Variants in HERC4 observed in about 807,000 individuals in gnomAD.
HERC4 encodes the protein probable E3 ubiquitin-protein ligase HERC4.
HERC4 carries 28 observed loss-of-function variants against 124.3 expected under a neutral mutation model. The observed-to-expected ratio is 0.23, with a 90% confidence interval of 0.17 to 0.31. HERC4 has a LOEUF of 0.31. Ranked by LOEUF, HERC4 falls within the 10% of genes least tolerant of loss-of-function variation. HERC4 has a pLI of 1.00. For missense variants in HERC4, 713 were observed against 1,229.3 expected, an observed-to-expected ratio of 0.58 and a Z score of 6.28; for synonymous variants, 407 against 421.5, an observed-to-expected ratio of 0.97 and a Z score of 0.42.
rs180913491 is a variant in HERC4 at position 68,023,404 on chromosome 10, A to G, written c.908+2142T>C. On this transcript the variant is annotated intron_variant, in intron 8 of 24. Transcript: ENST00000373700. The stretch of plus-strand genomic sequence containing the variant: ...GACATATATAGAAGGAAATTCTACA[A>G]CATGGGTGAACCTTGATGACACTAC... Among the ~76,000 whole-genome samples the G allele has an allele frequency of 3.2e-3, 495 of 152,356 alleles. 2 individuals are homozygous for G. Among genetic ancestry groups the G allele is most frequent in the Middle Eastern group, 3.4e-3 (1 of 294 alleles).
chr10:68,035,627 CTT>C (rs1304784693), intron 5 of HERC4, among the ~76,000 whole-genome samples: 1 of 152,216 alleles, frequency 6.6e-6, no homozygotes, highest in African/African-American at 2.4e-5. Context: ...GGGATAAACA[CTT>C]TAAACAAGGC....
intron 3 of HERC4, among the ~76,000 whole-genome samples, chr10:68,055,635 A>G (rs2040510178): frequency 6.6e-6 from 1 of 152,194 alleles, no homozygotes; most frequent in Non-Finnish European, 1.5e-5. Context: ...CTAAGTTATA[A>G]ACATTTCTGT....
chr10:67,932,547 C>CTTTTTATGTATTATATATATAT, intron 23 of HERC4, 50 bp downstream of exon 23: 4 of 1,476,342 alleles, frequency 2.7e-6, no homozygotes, highest in Non-Finnish European at 3.7e-6. Flanking sequence ...GCAAGATTTC[C>CTTTTTATGTATTATATATATAT]ATATATAAAT....
intron 9 of HERC4, among the ~76,000 whole-genome samples, chr10:67,997,497 T>G (rs2036960014): frequency 6.6e-6 from 1 of 152,220 alleles, no homozygotes; most frequent in Admixed American, 6.5e-5. Context: ...TGATTATATC[T>G]TAATGAAGTA....
chr10:68,024,356 T>C (rs1364397769), intron 8 of HERC4, among the ~76,000 whole-genome samples: 2 of 152,180 alleles, frequency 1.3e-5, no homozygotes, highest in Non-Finnish European at 2.9e-5. Context: ...ATGGGAAATA[T>C]GGTTTAACCT....
intron 21 of HERC4, among the ~76,000 whole-genome samples, chr10:67,938,346 CAGG>C (rs1406548855): frequency 6.7e-6 from 1 of 150,150 alleles, no homozygotes; most frequent in African/African-American, 2.5e-5. Flanking sequence ...GAGGCTGAGG[CAGG>C]AGAATTGCTT....
intron 3 of HERC4, among the ~76,000 whole-genome samples, chr10:68,057,819 C>A (rs1564604546): frequency 6.6e-6 from 1 of 151,762 alleles, no homozygotes; most frequent in African/African-American, 2.4e-5. Context: ...CATGCCTCAG[C>A]CTCCTGAGTA....
chr10:68,039,866 T>C, intron 4 of HERC4: 1 of 1,000,040 alleles, frequency 1.0e-6, no homozygotes, highest in Non-Finnish European at 1.2e-6. Flanking sequence ...AAAACACTAT[T>C]CTGAGTATCA....
At chr10:67,978,688 G>A (rs1412012692) in intron 15 of HERC4, among the ~76,000 whole-genome samples, 1 of 152,216 alleles carries the variant, frequency 6.6e-6, no homozygotes, top group East Asian at 1.9e-4. Context: ...GCTGGCTTCA[G>A]GTCTGATCCA....
intron 16 of HERC4, among the ~76,000 whole-genome samples, chr10:67,958,773 C>G (rs1283944091): frequency 6.6e-6 from 1 of 152,090 alleles, no homozygotes; most frequent in Non-Finnish European, 1.5e-5. Context: ...ATTAGGTAGG[C>G]ATTTGCTAAA....
At chr10:68,064,181 G>T (rs1011267012) in intron 3 of HERC4, among the ~76,000 whole-genome samples, 1 of 152,082 alleles carries the variant, frequency 6.6e-6, no homozygotes. Context: ...AGAGGTTGCC[G>T]TGAGCCGAGA....
chr10:67,994,059 G>A (rs561012443), intron 9 of HERC4: 1 of 152,104 alleles, frequency 6.6e-6, no homozygotes, highest in African/African-American at 2.4e-5. Flanking sequence ...TGTTATCTAG[G>A]TTATACCAAA....
chr10:68,013,325 T>C (rs778032310), intron 9 of HERC4, among the ~76,000 whole-genome samples: 2 of 152,256 alleles, frequency 1.3e-5, no homozygotes, highest in African/African-American at 2.4e-5. Flanking sequence ...TTTATTGCAC[T>C]ATTTGCTTCA....
In HERC4 at chr10:67,992,150, G is replaced by A. The variant is rs2036586866; in HGVS notation, c.1271+49C>T. On this transcript the variant is annotated intron_variant, in intron 11 of 24. Coordinates refer to ENST00000373700, the MANE Select transcript of HERC4 (RefSeq NM_015601.4). ...GGGCTCAGGCAATCTGCCTGGTGCT[G>A]GGATTACAGGCATGAGCCACTGTGC... The A allele has an allele frequency of 3.2e-6, 5 of 1,563,144 alleles. No homozygotes were observed. The East Asian group carries it at 1.1e-4, about 35-fold the overall frequency.
chr10:68,059,600 CATAATATTATATATCATA>C (rs2040789410), intron 3 of HERC4, among the ~76,000 whole-genome samples: 1 of 77,110 alleles, frequency 1.3e-5, no homozygotes, highest in African/African-American at 6.6e-5. Flanking sequence ...TATTATATAT[CATAATATTATATATCATA>C]ATATTATATA....
chr10:67,980,169 T>G (rs2035842474), intron 15 of HERC4, among the ~76,000 whole-genome samples: 1 of 151,618 alleles, frequency 6.6e-6, no homozygotes, highest in African/African-American at 2.4e-5. Context: ...TGGAGTGCAA[T>G]GGCGCGATCT....
chr10:67,952,638 C>T (rs2033875382), intron 19 of HERC4, among the ~76,000 whole-genome samples: 1 of 151,918 alleles, frequency 6.6e-6, no homozygotes, highest in Admixed American at 6.5e-5. Flanking sequence ...GTGGCTCACA[C>T]CTGTAATCCC....
At position 67,940,865 on chromosome 10, in the gene HERC4, G is replaced by A. The variant is rs931602644; in HGVS notation, c.2504+74C>T. 3.2e-6 allele frequency: 4 copies of A among 1,240,178 alleles called. No homozygotes were observed. In the East Asian group the frequency reaches 7.7e-5, roughly 24 times the overall value. The allele number at this position is 1,240,178 out of a possible 1,614,324, so 76.8% of individuals were successfully genotyped here. A position where few individuals can be genotyped will look rare whatever the true frequency, so the allele number is the denominator to read the frequency against. On this transcript the variant is annotated intron_variant, in intron 20 of 24. Transcript: ENST00000373700. ...GAACAAAATATATTTTTTCATAGAA[G>A]GAAAGCTTTCTGTACCTTCCCCACT...
chr10:67,990,568 A>G (rs1270677463), intron 13 of HERC4, among the ~76,000 whole-genome samples, 168 bp from the exon 14 acceptor site: 3 of 152,048 alleles, frequency 2.0e-5, no homozygotes, highest in African/African-American at 7.2e-5. Context: ...TACAATGAAT[A>G]TACTTTGGAG....
Sources: gnomAD v4.1 joint callset for allele counts (sites outside exome capture counted in the v4.1 genomes callset) on GRCh38, gnomAD v4.1.1 for gene constraint, MANE v1.5 for transcripts, NCBI Gene and HGNC (gene_info 2026-07-23, HGNC 2026-07-21) for gene names.